Variants in PARVA observed in about 807,000 individuals in gnomAD.
PARVA encodes the protein parvin alpha.
A neutral mutation model predicts 52.6 loss-of-function variants in PARVA; 25 were observed. That is an observed-to-expected ratio of 0.48 (90% CI 0.35 to 0.66). PARVA has a LOEUF of 0.66. Ranked by LOEUF, PARVA falls within the 30% of genes least tolerant of loss-of-function variation. PARVA has a pLI of 0.01. For synonymous variants in PARVA, 185 were observed against 179.1 expected, an observed-to-expected ratio of 1.03 and a Z score of -0.26; for missense variants, 373 against 450.9, an observed-to-expected ratio of 0.83 and a Z score of 1.56.
At chr11:12,395,541 C>T (rs1173601273) in intron 1 of PARVA, among the ~76,000 whole-genome samples, 1 of 152,228 alleles carries the variant, frequency 6.6e-6, no homozygotes, top group Non-Finnish European at 1.5e-5. Flanking sequence ...TGGGCTCTGC[C>T]CTGGCCAGAT....
intron 1 of PARVA, among the ~76,000 whole-genome samples, chr11:12,390,550 C>G (rs1939644409): frequency 6.6e-6 from 1 of 152,148 alleles, no homozygotes; most frequent in Non-Finnish European, 1.5e-5. Flanking sequence ...GGTTACGACC[C>G]TAGCTGAGTA....
upstream of PARVA, chr11:12,377,442 C>T (rs1036896937): frequency 1.3e-5 from 18 of 1,380,840 alleles, no homozygotes; most frequent in African/African-American, 2.3e-4. Flanking sequence ...CCCGGGAGCG[C>T]AGCTCCTTCC....
chr11:12,512,411 C>G (rs1457763508), intron 8 of PARVA, among the ~76,000 whole-genome samples: 1 of 152,212 alleles, frequency 6.6e-6, no homozygotes, highest in Non-Finnish European at 1.5e-5. Flanking sequence ...GATTTACCCA[C>G]TGGTGCCAGA....
chr11:12,399,664 TTGTG>T (rs74259724), intron 1 of PARVA, among the ~76,000 whole-genome samples: 1 of 152,114 alleles, frequency 6.6e-6, no homozygotes, highest in African/African-American at 2.4e-5. Flanking sequence ...TCCAAGTTTC[TTGTG>T]TGTGTGTATT....
At chr11:12,380,436 G>A (rs933569001) in intron 1 of PARVA, among the ~76,000 whole-genome samples, 1 of 150,764 alleles carries the variant, frequency 6.6e-6, no homozygotes, top group Admixed American at 6.6e-5. Flanking sequence ...GCTACTGTCC[G>A]AAATATGCAG....
intron 8 of PARVA, chr11:12,513,089 G>T: frequency 1.5e-6 from 1 of 686,704 alleles, no homozygotes; most frequent in Non-Finnish European, 2.7e-6. Context: ...ACACATGCAC[G>T]GACACAGACA....
Position 12,494,518 on chromosome 11 carries a change from A to C in PARVA, c.401-1940A>C, listed in dbSNP as rs200405802. On this transcript the variant is annotated intron_variant, in intron 4 of 12. Transcript: ENST00000334956. ...TAATCATTTCAGAGCTTTTTCAGGA[A>C]CTGGGGACAAAACCCAAATATTATA... 9.9e-5 allele frequency among the ~76,000 whole-genome samples: 15 copies of C among 152,166 alleles called. No individual in the cohort carries two copies. In the East Asian group the frequency reaches 2.9e-3, roughly 29 times the overall value.
At chr11:12,443,726 G>A (rs991065707) in intron 1 of PARVA, among the ~76,000 whole-genome samples, 3 of 152,146 alleles carry the variant, frequency 2.0e-5, no homozygotes, top group African/African-American at 7.2e-5. Context: ...GAGGTGCTTG[G>A]ATGGAAACAG....
intron 1 of PARVA, among the ~76,000 whole-genome samples, chr11:12,408,149 C>T (rs542217065): frequency 6.6e-6 from 1 of 152,288 alleles, no homozygotes; most frequent in South Asian, 2.1e-4. Context: ...GCCCCCACCC[C>T]GACCTGGCCC....
intron 1 of PARVA, among the ~76,000 whole-genome samples, chr11:12,380,772 A>G (rs1565321839): frequency 6.6e-6 from 1 of 152,078 alleles, no homozygotes; most frequent in African/African-American, 2.4e-5. Context: ...CACAGACACA[A>G]TGTTCTTTTA....
chr11:12,391,995 C>A (rs2134954979), intron 1 of PARVA, among the ~76,000 whole-genome samples: 1 of 152,186 alleles, frequency 6.6e-6, no homozygotes. Flanking sequence ...AACCCTGTAC[C>A]CATTAGCAGT....
chr11:12,405,694 C>A (rs1171651889), intron 1 of PARVA, among the ~76,000 whole-genome samples: 1 of 152,304 alleles, frequency 6.6e-6, no homozygotes, highest in East Asian at 1.9e-4. Flanking sequence ...CAGTGGCTCA[C>A]CCCTGTAATC....
intron 1 of PARVA, among the ~76,000 whole-genome samples, chr11:12,438,203 T>A (rs1292947857): frequency 6.9e-6 from 1 of 145,624 alleles, no homozygotes; most frequent in African/African-American, 2.6e-5. Context: ...GAGCTTACAG[T>A]GAGCAGAGAT....
chr11:12,464,563 C>T lies in PARVA; in HGVS notation c.137-9182C>T, dbSNP rs117724607. On this transcript the variant is annotated intron_variant, in intron 1 of 12. Coordinates refer to ENST00000334956, the MANE Select transcript of PARVA (RefSeq NM_018222.5). ...TCTCATTTCCAGAGATACTTAAGTTCGTACCATTCCCATCACCCCTTTCAT... is the reference window on the plus strand; with the variant it reads ...TCTCATTTCCAGAGATACTTAAGTTTGTACCATTCCCATCACCCCTTTCAT... Among the ~76,000 whole-genome samples, 199 of 152,300 alleles carry T rather than the reference C, an allele frequency of 1.3e-3. No individual in the cohort carries two copies. In the Middle Eastern group the frequency reaches 0.014, roughly 10 times the overall value.
intron 12 of PARVA, among the ~76,000 whole-genome samples, chr11:12,519,060 G>T (rs1323611050): frequency 6.6e-6 from 1 of 152,234 alleles, no homozygotes; most frequent in Non-Finnish European, 1.5e-5. Context: ...GAGTGCACAC[G>T]TGCATTCGTG....
At position 12,533,634 on chromosome 11, in the gene PARVA, T is replaced by G. The variant is rs1471143286; in HGVS notation, c.*5709T>G. Among the ~76,000 whole-genome samples, 1 of 152,154 alleles carries G rather than the reference T, an allele frequency of 6.6e-6. No individual in the cohort carries two copies. Among genetic ancestry groups the G allele is most frequent in the Non-Finnish European group, 1.5e-5 (1 of 68,032 alleles). On this transcript the variant is annotated 3_prime_UTR_variant, in exon 13 of 13. Transcript: ENST00000334956. ...ATACTAATAGCCTTACTGAACACGG[T>G]CAATTAACACATAGCTAGTATGTTA...
chr11:12,438,955 G>A (rs771074474), intron 1 of PARVA, among the ~76,000 whole-genome samples: 5 of 152,166 alleles, frequency 3.3e-5, no homozygotes, highest in Non-Finnish European at 7.4e-5. Context: ...AATTGGCCCA[G>A]CAGTTCAGAG....
At chr11:12,514,348 G>A (rs1341501143) in intron 10 of PARVA, among the ~76,000 whole-genome samples, 1 of 152,202 alleles carries the variant, frequency 6.6e-6, no homozygotes, top group Non-Finnish European at 1.5e-5. Flanking sequence ...AAATGCTTGA[G>A]CATATGTCTC....
intron 1 of PARVA, among the ~76,000 whole-genome samples, chr11:12,399,224 TA>T (rs1161214788): frequency 6.6e-6 from 1 of 152,220 alleles, no homozygotes; most frequent in Admixed American, 6.5e-5. Context: ...TTTCTTTCAT[TA>T]AAAAAGTTTT....
Sources: allele counts gnomAD v4.1 joint callset (sites outside exome capture counted in the v4.1 genomes callset), GRCh38; gene constraint gnomAD v4.1.1; transcripts MANE v1.5; gene names NCBI Gene and HGNC (gene_info 2026-07-23, HGNC 2026-07-21).